Variants in GULP1 observed in about 807,000 individuals in gnomAD.
The protein encoded by GULP1 is GULP PTB domain containing engulfment adaptor 1.
Under a neutral mutation model 40.9 loss-of-function variants are expected in GULP1, and 19 were observed. That is an observed-to-expected ratio of 0.46 (90% CI 0.32 to 0.68). GULP1 has a LOEUF of 0.68. Among genes scored for constraint, GULP1 ranks in the 30% least tolerant of loss-of-function variants. The pLI is 0.03. For missense variants in GULP1, 312 were observed against 362.2 expected (o/e 0.86, Z 1.12); for synonymous variants, 119 against 117.6 (o/e 1.01, Z -0.08).
At chr2:188,364,484 A>AGAGG (rs2046486176) in intron 1 of GULP1, among the ~76,000 whole-genome samples, 1 of 152,164 alleles carries the variant, frequency 6.6e-6, no homozygotes, top group Admixed American at 6.5e-5. Context: ...GGAAGGATGA[A>AGAGG]GAGGGAGCTA....
chr2:188,411,905 G>A (rs1037962084), intron 2 of GULP1, among the ~76,000 whole-genome samples: 3 of 152,138 alleles, frequency 2.0e-5, no homozygotes, highest in Admixed American at 6.5e-5. Flanking sequence ...GTCCATTTTG[G>A]GGTGGCATCT....
intron 2 of GULP1, among the ~76,000 whole-genome samples, chr2:188,448,899 T>C (rs1353740244): frequency 6.6e-6 from 1 of 152,194 alleles, no homozygotes; most frequent in Non-Finnish European, 1.5e-5. Context: ...GCAACATGCC[T>C]GCTCCTGTTT....
At chr2:188,447,769 T>G (rs1056155570) in intron 2 of GULP1, among the ~76,000 whole-genome samples, 2 of 152,210 alleles carry the variant, frequency 1.3e-5, no homozygotes, top group African/African-American at 4.8e-5. Flanking sequence ...CAGCACTCTC[T>G]GCAAATGAGA....
chr2:188,523,568 T>A (rs1023163213), intron 5 of GULP1, among the ~76,000 whole-genome samples: 1 of 146,136 alleles, frequency 6.8e-6, no homozygotes, highest in Non-Finnish European at 1.5e-5. Context: ...TTTTTTTTTT[T>A]ACACAGTTAA....
At chr2:188,293,506 T>TAGACAGAGGTG (rs2034250755) in intron 1 of GULP1, among the ~76,000 whole-genome samples, 1 of 152,194 alleles carries the variant, frequency 6.6e-6, no homozygotes, top group Non-Finnish European at 1.5e-5. Context: ...TAAGGGAGAT[T>TAGACAGAGGTG]ATTAGACAGA....
chr2:188,461,720 TC>T lies in GULP1; in HGVS notation c.-44-15938del, dbSNP rs563065407. On this transcript the variant is annotated intron_variant, in intron 2 of 11. Transcript: ENST00000409830. ...GTATGTGTCTAGGAATTTGTCCATT[TC>T]TTCTAGACATAGTAGCTCATAGTAG... 3.6e-4 allele frequency among the ~76,000 whole-genome samples: 55 copies of T among 152,338 alleles called. 1 individual carries two copies. The highest frequency in any genetic ancestry group is 3.1e-3 in the Admixed American group (47 of 15,298).
intron 7 of GULP1, among the ~76,000 whole-genome samples, chr2:188,563,545 A>C (rs866204707): frequency 2.0e-5 from 3 of 149,272 alleles, no homozygotes; most frequent in East Asian, 1.9e-4. Context: ...AAAAAATTAT[A>C]TTTTTTTTAT....
chr2:188,478,644 T>G (rs2061218186), intron 3 of GULP1, among the ~76,000 whole-genome samples: 1 of 152,086 alleles, frequency 6.6e-6, no homozygotes, highest in Admixed American at 6.6e-5. Flanking sequence ...CTGCAAATTG[T>G]CAAACAAGGG....
At chr2:188,390,992 C>G (rs576857679) in intron 2 of GULP1, among the ~76,000 whole-genome samples, 18 of 151,912 alleles carry the variant, frequency 1.2e-4, no homozygotes, top group Non-Finnish European at 2.1e-4. Context: ...ACTTTTATGC[C>G]AGTACCATGC....
intron 7 of GULP1, among the ~76,000 whole-genome samples, chr2:188,556,831 C>G (rs938581389): frequency 1.3e-5 from 2 of 151,874 alleles, no homozygotes; most frequent in East Asian, 1.9e-4. Context: ...GTCAGGAGAT[C>G]GAGACCACGG....
intron 2 of GULP1, among the ~76,000 whole-genome samples, chr2:188,474,513 A>G (rs533133744): frequency 6.6e-6 from 1 of 152,184 alleles, no homozygotes; most frequent in African/African-American, 2.4e-5. Context: ...TTTTGTTATA[A>G]CAGGATAACA....
intron 1 of GULP1, among the ~76,000 whole-genome samples, chr2:188,367,353 G>A (rs1007173182): frequency 6.6e-6 from 1 of 152,154 alleles, no homozygotes; most frequent in Admixed American, 6.5e-5. Flanking sequence ...GTTCTAGTGA[G>A]TAAATAGAAG....
Position 188,587,857 on chromosome 2 carries a change from C to T in GULP1, c.751C>T (p.Arg251Trp), listed in dbSNP as rs752619717. 18 of 1,576,814 alleles carry T rather than the reference C, an allele frequency of 1.1e-5. No individual in the cohort carries two copies. The highest frequency in any genetic ancestry group is 4.5e-5 in the East Asian group (2 of 44,662). Residue 251 changes from arginine to tryptophan, a missense_variant and splice_region_variant, in exon 11 of 12, where the codon CGG becomes TGG. Transcript: ENST00000409830. ...PVPSRSTEIK[R>W]DLFGAEPFDP... is the part of the protein sequence containing the mutation. ...CTAAATTATTTCCTTCCTTGCAGAA[C>T]GGGACCTGTTTGGAGCAGAACCTTT...
intron 2 of GULP1, among the ~76,000 whole-genome samples, chr2:188,455,413 T>G (rs570311312): frequency 6.6e-6 from 1 of 152,280 alleles, no homozygotes; most frequent in African/African-American, 2.4e-5. Context: ...GGGGCAGGAC[T>G]TTCCTGAGCT....
intron 1 of GULP1, among the ~76,000 whole-genome samples, chr2:188,293,649 T>C (rs1369555100): frequency 6.6e-6 from 1 of 152,164 alleles, no homozygotes; most frequent in African/African-American, 2.4e-5. Context: ...AACCCACAAA[T>C]TGGGAGAGTG....
intron 7 of GULP1, among the ~76,000 whole-genome samples, chr2:188,553,551 A>T (rs1694036807): frequency 6.6e-6 from 1 of 151,868 alleles, no homozygotes; most frequent in African/African-American, 2.4e-5. Context: ...TGTGCTGTTG[A>T]GTTAACTAGC....
intron 1 of GULP1, among the ~76,000 whole-genome samples, chr2:188,364,806 CATAA>C (rs1309686477): frequency 1.3e-4 from 19 of 148,630 alleles, no homozygotes; most frequent in Non-Finnish European, 2.4e-4. Flanking sequence ...ATCATATATA[CATAA>C]ATACACATAT....
chr2:188,448,980 G>A (rs1490941014), intron 2 of GULP1, among the ~76,000 whole-genome samples: 3 of 152,050 alleles, frequency 2.0e-5, no homozygotes, highest in Non-Finnish European at 1.5e-5. Flanking sequence ...GCCATGCTTG[G>A]ACAGCCTGCA....
At chr2:188,331,021 A>G (rs1415017224) in intron 1 of GULP1, among the ~76,000 whole-genome samples, 1 of 152,222 alleles carries the variant, frequency 6.6e-6, no homozygotes. Context: ...TTAGTTATGT[A>G]CCAAGTTTTT....
Sources: gnomAD v4.1 joint callset for allele counts (sites outside exome capture counted in the v4.1 genomes callset) on GRCh38, gnomAD v4.1.1 for gene constraint, MANE v1.5 for transcripts, NCBI Gene and HGNC (gene_info 2026-07-23, HGNC 2026-07-21) for gene names.